The following ABCA13 variants were observed in gnomAD, a reference collection of about 807,000 sequenced individuals.
ABCA13 encodes the protein ATP-binding cassette sub-family A member 13.
ABCA13 carries 476 observed loss-of-function variants against 478.7 expected under a neutral mutation model. The ratio of observed to expected loss-of-function variants is 0.99; its 90% CI spans 0.92 to 1.07. The LOEUF (loss-of-function observed/expected upper bound fraction) is 1.07, where lower values mean the gene tolerates loss of function less well. Ranked by LOEUF, ABCA13 falls within the 50% of genes least tolerant of loss-of-function variation. ABCA13 has a pLI of 0.00. For synonymous variants in ABCA13, 2,252 were observed against 2,158.9 expected (o/e 1.04, Z -1.20); for missense variants, 6,060 against 5,910.6 (o/e 1.03, Z -0.83).
chr7:48,553,531 T>C (rs1230364495), intron 55 of ABCA13, among the ~76,000 whole-genome samples: 1 of 152,128 alleles, frequency 6.6e-6, no homozygotes, highest in Admixed American at 6.6e-5. Context: ...TATCTTTTTG[T>C]AGTTTTGGTT....
At chr7:48,292,577 G>A (rs767665604) in intron 20 of ABCA13, among the ~76,000 whole-genome samples, 2 of 152,164 alleles carry the variant, frequency 1.3e-5, no homozygotes, top group African/African-American at 2.4e-5. Context: ...TGTCTGGGTG[G>A]CATATCTCTC....
intron 27 of ABCA13, among the ~76,000 whole-genome samples, chr7:48,329,177 A>G (rs1041862719): frequency 1.3e-5 from 2 of 152,186 alleles, no homozygotes; most frequent in African/African-American, 4.8e-5. Context: ...TACCAACATA[A>G]TGCATCTGTT....
intron 60 of ABCA13, 89 bp downstream of exon 60, chr7:48,643,482 G>C (rs1275385305): frequency 2.6e-6 from 3 of 1,152,970 alleles, no homozygotes; most frequent in Non-Finnish European, 3.8e-6. Context: ...ATTCTATGCT[G>C]TTATAAGATA....
chr7:48,271,031 G>A (rs1380916002), intron 16 of ABCA13, among the ~76,000 whole-genome samples: 2 of 152,120 alleles, frequency 1.3e-5, no homozygotes, highest in Non-Finnish European at 2.9e-5. Flanking sequence ...TGATGATCAG[G>A]GCTGTCCCAG....
intron 42 of ABCA13, among the ~76,000 whole-genome samples, chr7:48,449,830 T>A (rs1158789307): frequency 1.3e-5 from 2 of 152,204 alleles, no homozygotes; most frequent in Non-Finnish European, 2.9e-5. Flanking sequence ...GCTTAGCATA[T>A]TTCTGTCCCA....
chr7:48,531,634 T>G (rs1833237424), intron 55 of ABCA13, among the ~76,000 whole-genome samples: 2 of 152,080 alleles, frequency 1.3e-5, no homozygotes, highest in Admixed American at 6.5e-5. Context: ...GCATGGGATG[T>G]GTTTCCATTT....
chr7:48,279,357 T>TA lies in ABCA13; in HGVS notation c.8167dup (p.Ile2723AsnfsTer32), dbSNP rs1448027484. On this transcript the variant is annotated frameshift_variant, in exon 18 of 62. Transcript: ENST00000435803. LOFTEE classifies it high-confidence loss of function. ...TTCATGAAGTGATCCCTTTTTTGGA[T>TA]AAAATATTATCACAAAACAGCACAG... The TA allele has an allele frequency of 6.3e-7, 1 of 1,588,314 alleles. No homozygotes were observed. Among genetic ancestry groups the TA allele is most frequent in the African/African-American group, 1.3e-5 (1 of 74,558 alleles).
chr7:48,499,716 C>A (rs565827408), intron 48 of ABCA13, among the ~76,000 whole-genome samples: 13 of 152,220 alleles, frequency 8.5e-5, no homozygotes, highest in African/African-American at 3.1e-4. Context: ...CATTTTGAAA[C>A]GTCATTTCTG....
At chr7:48,499,697 C>T (rs1369000546) in intron 48 of ABCA13, among the ~76,000 whole-genome samples, 1 of 152,194 alleles carries the variant, frequency 6.6e-6, no homozygotes, top group African/African-American at 2.4e-5. Context: ...CAAATGTACT[C>T]AACATGTACA....
intron 31 of ABCA13, among the ~76,000 whole-genome samples, chr7:48,356,226 C>T (rs1249051667): frequency 6.6e-6 from 1 of 151,776 alleles, no homozygotes; most frequent in Non-Finnish European, 1.5e-5. Context: ...TTACACCATC[C>T]AGGACTTCAT....
intron 27 of ABCA13, among the ~76,000 whole-genome samples, chr7:48,324,087 A>G (rs1481367819): frequency 6.6e-6 from 1 of 152,164 alleles, no homozygotes; most frequent in East Asian, 1.9e-4. Context: ...AAACAGACTA[A>G]TACAGCCTGT....
Position 48,239,414 on chromosome 7 carries a change from C to T in ABCA13, c.1062+9C>T, listed in dbSNP as rs537956232. The T allele has an allele frequency of 7.5e-6, 12 of 1,608,424 alleles. No individual in the cohort carries two copies. The Admixed American group carries it at 1.3e-4, about 18-fold the overall frequency. ...TGCGAGTCTACCAACAGGTGCTGTCCCCTCTCTCTATGTTCTGTTCAAAGG... is the reference window on the plus strand; with the variant it reads ...TGCGAGTCTACCAACAGGTGCTGTCTCCTCTCTCTATGTTCTGTTCAAAGG... On this transcript the variant is annotated intron_variant, in intron 9 of 61. Transcript: ENST00000435803.
intron 55 of ABCA13, among the ~76,000 whole-genome samples, chr7:48,531,370 A>G (rs1403005729): frequency 2.0e-5 from 3 of 152,110 alleles, no homozygotes; most frequent in African/African-American, 7.2e-5. Flanking sequence ...TTATACAAGT[A>G]CCATTCTGTT....
At chr7:48,289,896 T>C (rs939131060) in intron 20 of ABCA13, among the ~76,000 whole-genome samples, 2 of 152,190 alleles carry the variant, frequency 1.3e-5, no homozygotes, top group Non-Finnish European at 2.9e-5. Flanking sequence ...AAGATGGGTC[T>C]GTGGTTCAAG....
rs200132906 is a variant in ABCA13, at chr7:48,275,299, C to T, written c.5633C>T (p.Ser1878Phe). The part of the protein sequence containing the change: ...GEDSPCSNES[S>F]RMEITRKVVC... ...GATTCACCATGTTCAAATGAAAGCT[C>T]CCGAATGGAAATAACTAGGAAAGTG... Residue 1878 changes from serine to phenylalanine, a missense_variant, in exon 17 of 62, where the codon TCC becomes TTC. Around this residue, in one of 3 missense-constraint regions of ABCA13, gnomAD observed 4,423 missense variants for 4,309.1 expected, o/e 1.03. Transcript: ENST00000435803. 2,824 of 1,613,708 alleles carry T rather than the reference C, an allele frequency of 1.8e-3. 4 individuals are homozygous for T. The highest frequency in any genetic ancestry group is 2.2e-3 in the Non-Finnish European group (2,552 of 1,179,870).
chr7:48,527,840 C>G (rs1295159309), intron 54 of ABCA13, among the ~76,000 whole-genome samples: 2 of 152,020 alleles, frequency 1.3e-5, no homozygotes, highest in Admixed American at 1.3e-4. Context: ...TAAGAAAATA[C>G]TTTAAAATAC....
At chr7:48,590,806 G>T (rs754327588) in intron 57 of ABCA13, among the ~76,000 whole-genome samples, 1 of 151,938 alleles carries the variant, frequency 6.6e-6, no homozygotes. Flanking sequence ...GTCTGTTCAA[G>T]TTTTTTGTCT....
In ABCA13 at chr7:48,387,878, A is replaced by G; in HGVS notation, c.11392A>G (p.Ser3798Gly). The G allele has an allele frequency of 6.2e-7, 1 of 1,612,496 alleles. No individual in the cohort carries two copies. ...YFPFTASYWK[S>G]VGFLVEKRQY... is the part of the protein sequence containing the mutation. ...CCCCTTTACTGCCTCATATTGGAAG[A>G]GTGTGGGTTTCTTGGTGGAGAAAAG... The change falls in exon 36 of 62, where the codon AGT (serine) becomes GGT (glycine). Residue 3798 changes from serine to glycine, a missense_variant. By Grantham distance (56) the Ser-to-Gly change is moderately conservative. Coordinates refer to ENST00000435803, the MANE Select transcript of ABCA13 (RefSeq NM_152701.5).
At chr7:48,280,340 GA>G (rs1205832089) in intron 18 of ABCA13, among the ~76,000 whole-genome samples, 1 of 152,204 alleles carries the variant, frequency 6.6e-6, no homozygotes, top group African/African-American at 2.4e-5. Context: ...CTAACCACAG[GA>G]AAGGGCCAGG....
Sources: allele counts gnomAD v4.1 joint callset (sites outside exome capture counted in the v4.1 genomes callset), GRCh38; gene constraint gnomAD v4.1.1; regional missense constraint gnomAD v4.1.1; transcripts MANE v1.5; gene names NCBI Gene and HGNC (gene_info 2026-07-23, HGNC 2026-07-21).